PTGER3: variants seen among roughly 807,000 people sequenced by gnomAD.
PTGER3 encodes prostaglandin E2 receptor EP3 subtype.
In PTGER3, 22 loss-of-function variants were observed where a neutral mutation model predicts 34.7. That is an observed-to-expected ratio of 0.63 (90% confidence interval 0.45 to 0.91). PTGER3 has a LOEUF of 0.91. Ranked by LOEUF, PTGER3 falls within the 40% of genes least tolerant of loss-of-function variation. The pLI is 0.00. For synonymous variants in PTGER3, 241 were observed against 230.1 expected (o/e 1.05, Z -0.43); for missense variants, 468 against 519.4 (o/e 0.90, Z 0.96).
At chr1:70,853,790 A>G (rs929988673) in intron 4 of PTGER3, among the ~76,000 whole-genome samples, 2 of 152,214 alleles carry the variant, frequency 1.3e-5, no homozygotes. Context: ...GGATCAATAG[A>G]ATAGAATAGA....
At chr1:70,960,021 A>C (rs1651764606) in intron 2 of PTGER3, among the ~76,000 whole-genome samples, 1 of 152,156 alleles carries the variant, frequency 6.6e-6, no homozygotes, top group African/African-American at 2.4e-5. Flanking sequence ...ACATTCAGGG[A>C]GAACACTATG....
chr1:70,929,878 T>C (rs1045782726), intron 4 of PTGER3, among the ~76,000 whole-genome samples: 1 of 152,202 alleles, frequency 6.6e-6, no homozygotes, highest in African/African-American at 2.4e-5. Flanking sequence ...AAATTAACTA[T>C]TCTGAGTAAC....
At chr1:70,925,431 T>A (rs1647967144) in intron 4 of PTGER3, among the ~76,000 whole-genome samples, 1 of 152,222 alleles carries the variant, frequency 6.6e-6, no homozygotes, top group South Asian at 2.1e-4. Flanking sequence ...CTGGATATAT[T>A]CTTGAAAATC....
intron 4 of PTGER3, among the ~76,000 whole-genome samples, chr1:70,876,245 C>T (rs1001738953): frequency 6.7e-6 from 1 of 149,608 alleles, no homozygotes; most frequent in East Asian, 2.0e-4. Context: ...TTCTTTTGGA[C>T]ACAGTCTGTT....
At chr1:70,948,881 C>G (rs1650473709), downstream of PTGER3, among the ~76,000 whole-genome samples, 1 of 152,150 alleles carries the variant, frequency 6.6e-6, no homozygotes, top group South Asian at 2.1e-4. Context: ...GTGGATGAGT[C>G]TCTTCCACAA....
At chr1:70,911,481 T>A (rs572526584) in intron 4 of PTGER3, among the ~76,000 whole-genome samples, 2 of 152,282 alleles carry the variant, frequency 1.3e-5, no homozygotes, top group African/African-American at 2.4e-5. Flanking sequence ...CAGTTATAGA[T>A]AGGTTTTTTG....
intron 2 of PTGER3, chr1:71,008,815 TA>T (rs1373203514): frequency 3.6e-5 from 34 of 953,802 alleles, no homozygotes; most frequent in Non-Finnish European, 4.1e-5. Flanking sequence ...GTTATACAGA[TA>T]AAAAATAGAA....
intron 2 of PTGER3, among the ~76,000 whole-genome samples, chr1:70,981,367 CTTTCTTTCTTTCT>C (rs1654309633): frequency 2.0e-5 from 2 of 99,214 alleles, no homozygotes; most frequent in African/African-American, 8.1e-5. Context: ...TTCTTTCTTT[CTTTCTTTCTTTCT>C]TTCTTTCTTT....
intron 4 of PTGER3, among the ~76,000 whole-genome samples, chr1:70,879,800 A>G (rs1029524132): frequency 1.3e-5 from 2 of 152,060 alleles, no homozygotes; most frequent in Non-Finnish European, 2.9e-5. Context: ...TTTAAGGTTG[A>G]TATTGATATG....
intron 2 of PTGER3, among the ~76,000 whole-genome samples, chr1:70,979,164 G>A (rs1653998959): frequency 6.6e-6 from 1 of 152,130 alleles, no homozygotes; most frequent in South Asian, 2.1e-4. Flanking sequence ...GTTTCTGTTT[G>A]TTGATGGACC....
intron 1 of PTGER3, among the ~76,000 whole-genome samples, chr1:71,039,797 C>T (rs1052685684): frequency 2.0e-5 from 3 of 152,124 alleles, no homozygotes; most frequent in Non-Finnish European, 4.4e-5. Flanking sequence ...ACACTACTTG[C>T]CTCCTTTCTC....
chr1:71,003,487 A>C (rs1423333488), intron 2 of PTGER3, among the ~76,000 whole-genome samples: 1 of 152,178 alleles, frequency 6.6e-6, no homozygotes, highest in Non-Finnish European at 1.5e-5. Context: ...CTAAAACAAC[A>C]TCTTTATTGT....
chr1:71,027,460 C>T (rs1427791500), intron 1 of PTGER3, among the ~76,000 whole-genome samples: 1 of 152,186 alleles, frequency 6.6e-6, no homozygotes, highest in Non-Finnish European at 1.5e-5. Context: ...TTTATGCAAC[C>T]TCACCAAGGC....
chr1:70,986,228 T>C (rs929149009), intron 2 of PTGER3, among the ~76,000 whole-genome samples: 10 of 152,102 alleles, frequency 6.6e-5, no homozygotes, highest in Non-Finnish European at 1.3e-4. Context: ...GAGATAACCA[T>C]AAAAATGGGC....
chr1:71,007,643 C>A (rs181787786), intron 2 of PTGER3: 1 of 985,180 alleles, frequency 1.0e-6, no homozygotes, highest in East Asian at 1.1e-4. Flanking sequence ...AAAAGTAGAA[C>A]GTTGAAGTGT....
chr1:70,857,930 G>T (rs1356617909), intron 4 of PTGER3, among the ~76,000 whole-genome samples: 1 of 152,150 alleles, frequency 6.6e-6, no homozygotes, highest in Non-Finnish European at 1.5e-5. Flanking sequence ...ATAAATTCAG[G>T]CCAGTTTACT....
intron 1 of PTGER3, among the ~76,000 whole-genome samples, chr1:71,040,087 AGAAAGAAAGAAG>A (rs1013862038): frequency 1.4e-4 from 21 of 151,582 alleles, no homozygotes; most frequent in African/African-American, 5.1e-4. Flanking sequence ...GAGGGAAGAA[AGAAAGAAAGAAG>A]GAAAGAAAGA....
At position 71,047,802 on chromosome 1, in the gene PTGER3, C is replaced by T. The variant is rs1661007533; in HGVS notation, c.-225G>A. The T allele has an allele frequency of 5.0e-6, 2 of 398,320 alleles. No homozygotes were observed. The highest frequency in any genetic ancestry group is 2.1e-5 in the African/African-American group (1 of 47,594). The allele number at this position is 398,320 out of a possible 1,614,324, so 24.7% of individuals were successfully genotyped here. A position where few individuals can be genotyped will look rare whatever the true frequency, so the allele number is the denominator to read the frequency against. On this transcript the variant is annotated 5_prime_UTR_variant, in exon 1 of 4. Coordinates refer to ENST00000306666, the MANE Select transcript of PTGER3 (RefSeq NM_198719.2). ...AGCCACGCCTTCCTCTCTGGGAAAC[C>T]TCTGGTGGCGAGGCGCGCGGAGGTG...
intron 4 of PTGER3, among the ~76,000 whole-genome samples, chr1:70,869,815 G>C (rs957321724): frequency 2.6e-5 from 4 of 152,252 alleles, no homozygotes; most frequent in South Asian, 4.1e-4. Flanking sequence ...CTGTAGCTTC[G>C]CAGGGTTCGG....
Sources: allele counts gnomAD v4.1 joint callset (sites outside exome capture counted in the v4.1 genomes callset), GRCh38; gene constraint gnomAD v4.1.1; transcripts MANE v1.5; gene names NCBI Gene and HGNC (gene_info 2026-07-23, HGNC 2026-07-21).